The following TENM3 variants were observed in gnomAD, a reference collection of about 807,000 sequenced individuals.
The protein encoded by TENM3 is teneurin-3.
TENM3 carries 63 observed loss-of-function variants against 255.1 expected under a neutral mutation model. The ratio of observed to expected loss-of-function variants is 0.25; its 90% confidence interval spans 0.20 to 0.30. The LOEUF (loss-of-function observed/expected upper bound fraction) is 0.30. Among genes scored for constraint, TENM3 ranks in the 10% least tolerant of loss-of-function variants. The pLI is 1.00. For synonymous variants in TENM3, 1,306 were observed against 1,322.3 expected (o/e 0.99, Z 0.27); for missense variants, 2,929 against 3,461.1 (o/e 0.85, Z 3.86).
At chr4:182,045,057 A>G in the TENM3 span, among the ~76,000 whole-genome samples, 2 of 152,218 alleles carry the variant, frequency 1.3e-5, no homozygotes, top group South Asian at 2.1e-4. Flanking sequence ...TTGACTTTTC[A>G]TCTGGATGTT....
the TENM3 span, among the ~76,000 whole-genome samples, chr4:182,103,324 G>T: frequency 6.6e-6 from 1 of 152,154 alleles, no homozygotes; most frequent in Non-Finnish European, 1.5e-5. Context: ...CTAAAATCTG[G>T]CCAGAGCAAA....
chr4:182,528,544 C>G (rs1284717992), intron 3 of TENM3, among the ~76,000 whole-genome samples: 2 of 152,074 alleles, frequency 1.3e-5, no homozygotes, highest in African/African-American at 4.8e-5. Flanking sequence ...TCAGCAAAGA[C>G]CTTAAACCAA....
chr4:182,788,705 T>C (rs1440684308), intron 24 of TENM3, among the ~76,000 whole-genome samples: 1 of 152,256 alleles, frequency 6.6e-6, no homozygotes, highest in Non-Finnish European at 1.5e-5. Flanking sequence ...TTTTATTTAA[T>C]GTAGCCATGA....
intron 5 of TENM3, among the ~76,000 whole-genome samples, chr4:182,645,587 T>G (rs73872459): frequency 0.093 from 14,106 of 152,186 alleles, 748 homozygotes; most frequent in East Asian, 0.15. Flanking sequence ...TAAGGTTAAG[T>G]TTACAGTCAA....
chr4:182,476,572 A>G (rs1263600815), intron 3 of TENM3, among the ~76,000 whole-genome samples: 1 of 152,180 alleles, frequency 6.6e-6, no homozygotes, highest in Non-Finnish European at 1.5e-5. Context: ...ACATGTGTGT[A>G]TATGTATCTA....
the TENM3 span, among the ~76,000 whole-genome samples, chr4:181,461,858 A>G: frequency 6.6e-6 from 1 of 152,086 alleles, no homozygotes; most frequent in Non-Finnish European, 1.5e-5. Context: ...TGTTGATTCA[A>G]TGGCTTGATT....
the TENM3 span, among the ~76,000 whole-genome samples, chr4:181,801,960 A>T: frequency 1.3e-5 from 2 of 151,998 alleles, no homozygotes; most frequent in South Asian, 4.2e-4. Context: ...GCCCAAGCAG[A>T]TTTTTTTTAA....
chr4:182,016,220 C>G, the TENM3 span, among the ~76,000 whole-genome samples: 66 of 152,270 alleles, frequency 4.3e-4, no homozygotes, highest in African/African-American at 1.5e-3. Flanking sequence ...TAATACCATG[C>G]TCCTATTTGA....
At chr4:181,511,861 A>C in the TENM3 span, among the ~76,000 whole-genome samples, 1 of 152,136 alleles carries the variant, frequency 6.6e-6, no homozygotes, top group East Asian at 1.9e-4. Context: ...GAAAGGCTTA[A>C]AATGGGATAG....
At chr4:182,001,381 A>C in the TENM3 span, among the ~76,000 whole-genome samples, 1 of 152,118 alleles carries the variant, frequency 6.6e-6, no homozygotes, top group Admixed American at 6.6e-5. Context: ...CTATCTATGC[A>C]TAAATGCTGA....
intron 4 of TENM3, among the ~76,000 whole-genome samples, chr4:182,619,916 C>A (rs768436225): frequency 6.6e-5 from 10 of 152,144 alleles, no homozygotes; most frequent in Non-Finnish European, 1.0e-4. Context: ...AAGAAGCCGC[C>A]GCGGCTGCTG....
chr4:182,650,881 T>TAAA (rs1230977965), intron 5 of TENM3, among the ~76,000 whole-genome samples: 29 of 60,202 alleles, frequency 4.8e-4, no homozygotes, highest in Admixed American at 9.0e-4. Flanking sequence ...TTTTCTGTAA[T>TAAA]AAAAAAAAAT....
At chr4:181,751,415 GA>G in the TENM3 span, among the ~76,000 whole-genome samples, 51,243 of 114,680 alleles carry the variant, frequency 0.45, 8,697 homozygotes, top group Middle Eastern at 0.52. Flanking sequence ...CCTTCCAAAG[GA>G]AAAAAAAAAA....
the TENM3 span, among the ~76,000 whole-genome samples, chr4:181,784,560 T>C: frequency 6.6e-6 from 1 of 152,188 alleles, no homozygotes; most frequent in Non-Finnish European, 1.5e-5. Flanking sequence ...TTCTAGCCTT[T>C]CCAACTGTGT....
chr4:182,155,536 G>C (rs1180739888), intron 1 of TENM3, among the ~76,000 whole-genome samples: 1 of 152,036 alleles, frequency 6.6e-6, no homozygotes, highest in Non-Finnish European at 1.5e-5. Context: ...TCAATTCACT[G>C]TGCCAGTTGA....
At chr4:181,759,987 C>T in the TENM3 span, among the ~76,000 whole-genome samples, 3 of 152,056 alleles carry the variant, frequency 2.0e-5, no homozygotes, top group Non-Finnish European at 2.9e-5. Flanking sequence ...AGGTCTGGCT[C>T]TAGGGCCTAT....
At chr4:181,932,906 C>T in the TENM3 span, among the ~76,000 whole-genome samples, 1 of 152,030 alleles carries the variant, frequency 6.6e-6, no homozygotes. Flanking sequence ...CAAGAAACTA[C>T]CACAGGAACA....
At chr4:181,627,801 G>A in the TENM3 span, among the ~76,000 whole-genome samples, 2 of 152,192 alleles carry the variant, frequency 1.3e-5, no homozygotes, top group Non-Finnish European at 2.9e-5. Flanking sequence ...AACATTAAGT[G>A]TGCATGTGCC....
intron 1 of TENM3, among the ~76,000 whole-genome samples, chr4:182,213,613 G>T (rs1180740892): frequency 6.6e-6 from 1 of 152,074 alleles, no homozygotes; most frequent in Non-Finnish European, 1.5e-5. Flanking sequence ...GCTACTAAAT[G>T]ATACAGTACG....
Sources: allele counts gnomAD v4.1 joint callset (sites outside exome capture counted in the v4.1 genomes callset), GRCh38; gene constraint gnomAD v4.1.1; transcripts MANE v1.5; gene names NCBI Gene and HGNC (gene_info 2026-07-23, HGNC 2026-07-21).